FREM1: variants seen among roughly 807,000 people sequenced by gnomAD.
FREM1 encodes the protein FRAS1-related extracellular matrix protein 1.
Under a neutral mutation model 210.1 loss-of-function variants are expected in FREM1, and 220 were observed. The observed-to-expected ratio is 1.05, with a 90% CI of 0.94 to 1.17. The LOEUF (loss-of-function observed/expected upper bound fraction) is 1.17, where lower values mean the gene tolerates loss of function less well. FREM1 is among the 50% of genes most tolerant of loss of function. FREM1 has a pLI of 0.00. For missense variants in FREM1, 3,454 were observed against 2,675.5 expected, an observed-to-expected ratio of 1.29 and a Z score of -6.42; for synonymous variants, 1,189 against 980.2, an observed-to-expected ratio of 1.21 and a Z score of -3.98.
chr9:14,863,915 G>A lies in FREM1; in HGVS notation c.235-12C>T, dbSNP rs758336198. 5 of 1,507,732 alleles carry A rather than the reference G, an allele frequency of 3.3e-6. No individual in the cohort carries two copies. The highest frequency in any genetic ancestry group is 2.3e-5 in the East Asian group (1 of 44,412). 93.4% of individuals were successfully genotyped at this position (1,507,732 alleles called of 1,614,324 possible). A position where few individuals can be genotyped will look rare whatever the true frequency, so the allele number is the denominator to read the frequency against. ...TGGCAGTCAAAGACCTAGTTCACAT[G>A]AAGAATTGGATAAATATCTATGAGA... is the stretch of plus-strand genomic sequence containing the variant. On this transcript the variant is annotated splice_polypyrimidine_tract_variant and intron_variant, in intron 2 of 36. Coordinates refer to ENST00000380880, the MANE Select transcript of FREM1 (RefSeq NM_001379081.2).
At chr9:14,826,596 C>T (rs999066413) in intron 10 of FREM1, among the ~76,000 whole-genome samples, 4 of 152,130 alleles carry the variant, frequency 2.6e-5, no homozygotes, top group Non-Finnish European at 5.9e-5. Context: ...TTTTACTTAC[C>T]CCTTGGTATG....
At chr9:14,901,836 G>A (rs112234760) in intron 1 of FREM1, among the ~76,000 whole-genome samples, 1 of 152,066 alleles carries the variant, frequency 6.6e-6, no homozygotes, top group African/African-American at 2.4e-5. Context: ...GACTTTATGG[G>A]GTTGTGAAGA....
At position 14,816,813 on chromosome 9, in the gene FREM1, C is replaced by T; in HGVS notation, c.2605G>A (p.Gly869Ser). 2.8e-6 allele frequency: 4 copies of T among 1,441,224 alleles called. No homozygotes were observed. Among genetic ancestry groups the T allele is most frequent in the Non-Finnish European group, 3.7e-6 (4 of 1,069,564 alleles). The allele number at this position is 1,441,224 out of a possible 1,614,324, so 89.3% of individuals were successfully genotyped here. ...AGTACAAATTCTGCTGAATTTGTGC[C>T]ATCGGTGACCTCCAAGAGTAGGTCA... ...QDDLLLEVTD[G>S]TNSAEFVLHV... Residue 869 changes from glycine (G) to serine (S), a missense_variant, in exon 15 of 37, where the codon GGC (glycine) becomes AGC (serine). Coordinates refer to ENST00000380880, the MANE Select transcript of FREM1 (RefSeq NM_001379081.2).
chr9:14,906,045 T>A (rs1173589235), intron 1 of FREM1, among the ~76,000 whole-genome samples: 1 of 152,240 alleles, frequency 6.6e-6, no homozygotes, highest in East Asian at 1.9e-4. Context: ...TTTTCATCTA[T>A]AAATTAAGTC....
rs200035180 is a variant in FREM1 at position 14,747,235 on chromosome 9, T to A, written c.6009+29A>T. ...GCCCAGCAAACAACTTGTTATAAGG[T>A]GAGTAAGAAGGAACAAAGATTTTCA... On this transcript the variant is annotated intron_variant, in intron 33 of 36. Coordinates refer to ENST00000380880, the MANE Select transcript of FREM1 (RefSeq NM_001379081.2). 2,354 of 1,603,510 alleles carry A rather than the reference T, an allele frequency of 1.5e-3. 2 individuals are homozygous for A. The highest frequency in any genetic ancestry group is 1.9e-3 in the Non-Finnish European group (2,249 of 1,174,338).
chr9:14,902,270 C>A (rs527966725), intron 1 of FREM1, among the ~76,000 whole-genome samples: 1 of 152,306 alleles, frequency 6.6e-6, no homozygotes, highest in Non-Finnish European at 1.5e-5. Context: ...CTGAGCACTG[C>A]TGTGAATATT....
intron 1 of FREM1, among the ~76,000 whole-genome samples, chr9:14,874,460 G>T (rs1833313977): frequency 6.7e-6 from 1 of 150,088 alleles, no homozygotes; most frequent in Admixed American, 6.7e-5. Flanking sequence ...TTGGTTTAAA[G>T]TCTGTTTTAT....
chr9:14,737,244 G>T lies in FREM1; in HGVS notation c.*152C>A. 8 of 541,580 alleles carry T rather than the reference G, an allele frequency of 1.5e-5. No homozygotes were observed. Among genetic ancestry groups the T allele is most frequent in the South Asian group, 3.3e-5 (1 of 30,564 alleles). 33.5% of individuals were successfully genotyped at this position (541,580 alleles called of 1,614,324 possible). A position where few individuals can be genotyped will look rare whatever the true frequency, so the allele number is the denominator to read the frequency against. On this transcript the variant is annotated 3_prime_UTR_variant, in exon 37 of 37. Coordinates refer to ENST00000380880, the MANE Select transcript of FREM1 (RefSeq NM_001379081.2). The stretch of plus-strand genomic sequence containing the variant: ...AAATATTTATTTATCAATCTTTCTG[G>T]CACTATTAAAAATGTCCCATTTTCA...
chr9:14,865,608 A>G (rs1831360542), intron 2 of FREM1, among the ~76,000 whole-genome samples: 1 of 152,054 alleles, frequency 6.6e-6, no homozygotes, highest in Non-Finnish European at 1.5e-5. Flanking sequence ...ATGGGTTCAC[A>G]TAAGCTTGGC....
At chr9:14,874,179 T>C (rs1203408239) in intron 1 of FREM1, among the ~76,000 whole-genome samples, 2 of 152,212 alleles carry the variant, frequency 1.3e-5, no homozygotes, top group African/African-American at 4.8e-5. Context: ...AGATGCCTAT[T>C]AGGTCTGCTT....
chr9:14,747,466 A>T (rs763897343), intron 32 of FREM1, 38 bp from the exon 33 acceptor site: 1 of 1,587,088 alleles, frequency 6.3e-7, no homozygotes, highest in Non-Finnish European at 8.6e-7. Flanking sequence ...TAAGGAAAAA[A>T]CAAACATCAA....
rs75125669 is a variant in FREM1, at chr9:14,746,993, A to G, written c.6068T>C (p.Phe2023Ser). 2.5e-6 allele frequency: 4 copies of G among 1,613,322 alleles called. No homozygotes were observed. The Admixed American group carries it at 5.0e-5, about 20-fold the overall frequency. ...CTLELKGLFH[F>S]EEGIQKLYQC... ...ATACAGCTTCTGGATGCCTTCTTCA[A>G]AATGGAAGAGTCCCTTTAATTCCAG... The change falls in exon 34 of 37, where the codon TTT becomes TCT. Residue 2023 changes from phenylalanine to serine, a missense_variant. Transcript: ENST00000380880.
intron 27 of FREM1, among the ~76,000 whole-genome samples, chr9:14,763,095 A>G (rs1201393694): frequency 1.3e-5 from 2 of 152,212 alleles, no homozygotes; most frequent in Non-Finnish European, 2.9e-5. Context: ...CCATGGACAC[A>G]TTTTATGTGT....
chr9:14,756,026 A>G (rs1015592609), intron 29 of FREM1, among the ~76,000 whole-genome samples: 5 of 152,346 alleles, frequency 3.3e-5, no homozygotes, highest in African/African-American at 1.2e-4. Flanking sequence ...AAATTTTCAT[A>G]AAATATCTGA....
At chr9:14,784,091 G>A (rs1165165530) in intron 24 of FREM1, among the ~76,000 whole-genome samples, 2 of 152,098 alleles carry the variant, frequency 1.3e-5, no homozygotes, top group African/African-American at 4.8e-5. Flanking sequence ...TTCTTGCTTT[G>A]CTTCTGTCAT....
Position 14,770,783 on chromosome 9 carries a change from A to T in FREM1, c.4881T>A (p.Ala1627=). Reference sequence around the variant, plus strand: ...GGGAATGCAAGAGTGTGATACGAGGAGCTGTTTTGTCCAATTGGTCTACCT... The same window carrying T: ...GGGAATGCAAGAGTGTGATACGAGGTGCTGTTTTGTCCAATTGGTCTACCT... The part of the protein sequence containing the change: ...TIQVDQLDKT[A]PRITLLHSPS... Residue 1627 remains alanine, a synonymous_variant, in exon 26 of 37, where the codon GCT becomes GCA. Coordinates refer to ENST00000380880, the MANE Select transcript of FREM1 (RefSeq NM_001379081.2). 1 of 1,612,694 alleles carries T rather than the reference A, an allele frequency of 6.2e-7. No homozygotes were observed. Among genetic ancestry groups the T allele is most frequent in the South Asian group, 1.1e-5 (1 of 90,900 alleles).
intron 21 of FREM1, among the ~76,000 whole-genome samples, chr9:14,793,857 T>G (rs1298860147): frequency 1.3e-5 from 2 of 152,200 alleles, no homozygotes; most frequent in African/African-American, 4.8e-5. Flanking sequence ...AGTATCTTGC[T>G]ACCCAGGGCT....
At chr9:14,869,721 T>C (rs1233392091) in intron 1 of FREM1, among the ~76,000 whole-genome samples, 1 of 152,246 alleles carries the variant, frequency 6.6e-6, no homozygotes. Context: ...AGAAGTTTAA[T>C]GATTTATCAC....
At position 14,745,489 on chromosome 9, in the gene FREM1, T is replaced by C. The variant is rs1161606239; in HGVS notation, c.6254+864A>G. On this transcript the variant is annotated intron_variant, in intron 35 of 36. Transcript: ENST00000380880. ...GAATCGTCATTTTGTCATTGATTTG[T>C]TGAAGTTGTTTGTATTTTCTGGGTT... Among the ~76,000 whole-genome samples, 4 of 152,226 alleles carry C rather than the reference T, an allele frequency of 2.6e-5. No individual in the cohort carries two copies. The East Asian group carries it at 7.7e-4, about 29-fold the overall frequency.
Sources: gnomAD v4.1 joint callset for allele counts (sites outside exome capture counted in the v4.1 genomes callset) on GRCh38, gnomAD v4.1.1 for gene constraint, MANE v1.5 for transcripts, NCBI Gene and HGNC (gene_info 2026-07-23, HGNC 2026-07-21) for gene names.